CAMTA1: variants seen among roughly 807,000 people sequenced by gnomAD.
CAMTA1 encodes calmodulin binding transcription activator 1.
Under a neutral mutation model 170.9 loss-of-function variants are expected in CAMTA1, and 27 were observed. The ratio of observed to expected loss-of-function variants is 0.16; its 90% CI spans 0.12 to 0.22. The LOEUF is 0.22. Ranked by LOEUF, CAMTA1 falls within the 10% of genes least tolerant of loss-of-function variation. The probability of loss-of-function intolerance (pLI) is 1.00; values close to 1 mark genes in which losing one functional copy is unlikely to be tolerated. For missense variants in CAMTA1, 1,619 were observed against 2,217.2 expected (o/e 0.73, Z 5.42); for synonymous variants, 833 against 891.5 (o/e 0.93, Z 1.17).
chr1:7,375,934 G>A (rs1161676753), intron 5 of CAMTA1, among the ~76,000 whole-genome samples: 2 of 152,194 alleles, frequency 1.3e-5, no homozygotes, highest in Non-Finnish European at 2.9e-5. Context: ...CTGGGGCAAG[G>A]GCCACTCTGC....
rs185417552 is a variant in CAMTA1, at chr1:7,552,858, A to C, written c.510+84957A>C. Among the ~76,000 whole-genome samples, 29 of 152,344 alleles carry C rather than the reference A, an allele frequency of 1.9e-4. No homozygotes were observed. In the East Asian group the frequency reaches 4.4e-3, roughly 23 times the overall value. On this transcript the variant is annotated intron_variant, in intron 6 of 22. Coordinates refer to ENST00000303635, the MANE Select transcript of CAMTA1 (RefSeq NM_015215.4). ...GAGTCACAGTGAACCAGGAGGTTAC[A>C]GTCCAAGGAGCACGGAGCCGCACGG...
At chr1:7,638,154 C>G (rs1301403857) in intron 6 of CAMTA1, among the ~76,000 whole-genome samples, 2 of 152,214 alleles carry the variant, frequency 1.3e-5, no homozygotes, top group African/African-American at 4.8e-5. Context: ...AGACCCAGCT[C>G]TCTCCTGCCT....
At chr1:7,335,153 GGGGGTGGGGGT>G (rs2083296969) in intron 5 of CAMTA1, among the ~76,000 whole-genome samples, 1 of 95,476 alleles carries the variant, frequency 1.0e-5, no homozygotes, top group East Asian at 3.3e-4. Context: ...GGGGGGGGGG[GGGGGTGGGGGT>G]GGGGGGTGTC....
chr1:7,098,342 C>T (rs1037693604), intron 4 of CAMTA1, among the ~76,000 whole-genome samples: 8 of 152,218 alleles, frequency 5.3e-5, no homozygotes, highest in African/African-American at 1.7e-4. Context: ...AGACGTGTCA[C>T]GTTAGGTGCG....
intron 5 of CAMTA1, among the ~76,000 whole-genome samples, chr1:7,408,912 T>C (rs1220141540): frequency 1.3e-5 from 2 of 152,132 alleles, no homozygotes; most frequent in Non-Finnish European, 2.9e-5. Context: ...GCCTGTCTGC[T>C]CAGCGCCAGC....
chr1:6,861,456 A>G (rs1431551877), intron 3 of CAMTA1, among the ~76,000 whole-genome samples: 1 of 152,206 alleles, frequency 6.6e-6, no homozygotes, highest in Non-Finnish European at 1.5e-5. Context: ...ACATCTTAGA[A>G]CACATTAAAA....
At position 7,745,870 on chromosome 1, in the gene CAMTA1, CCTT is replaced by C. The variant is rs758952166; in HGVS notation, c.4402_4404del (p.Ser1468del). On this transcript the variant is annotated inframe_deletion, in exon 18 of 23. Transcript: ENST00000303635. ...AAGTGCATATAACGAGCCTCTAACC[CCTT>C]CTTCTAATACCAGCTTGAGCCCTGT... 6 of 1,614,192 alleles carry C rather than the reference CCTT, an allele frequency of 3.7e-6. No homozygotes were observed. Among genetic ancestry groups the C allele is most frequent in the Admixed American group, 3.3e-5 (2 of 60,008 alleles).
intron 3 of CAMTA1, among the ~76,000 whole-genome samples, chr1:6,899,421 C>T (rs560709252): frequency 2.0e-5 from 3 of 152,236 alleles, no homozygotes; most frequent in Non-Finnish European, 4.4e-5. Context: ...TCAGACCAAA[C>T]AGTGTGATTT....
intron 5 of CAMTA1, among the ~76,000 whole-genome samples, chr1:7,283,713 G>A (rs1415688255): frequency 4.6e-5 from 7 of 152,126 alleles, no homozygotes; most frequent in African/African-American, 9.7e-5. Flanking sequence ...TCACCCCCTT[G>A]TCCAAATAAA....
chr1:7,008,370 C>T (rs556930472), intron 3 of CAMTA1: 1 of 152,550 alleles, frequency 6.6e-6, no homozygotes, highest in Admixed American at 6.5e-5. Context: ...TGCTGGATGA[C>T]AGGTTTCGTG....
At chr1:7,538,185 A>G (rs1272628261) in intron 6 of CAMTA1, among the ~76,000 whole-genome samples, 1 of 152,054 alleles carries the variant, frequency 6.6e-6, no homozygotes, top group Non-Finnish European at 1.5e-5. Flanking sequence ...TAGTGCGAGT[A>G]CTCCCACCAC....
intron 4 of CAMTA1, among the ~76,000 whole-genome samples, chr1:7,214,220 C>T (rs1177897878): frequency 6.6e-6 from 1 of 152,180 alleles, no homozygotes; most frequent in Non-Finnish European, 1.5e-5. Flanking sequence ...TTTACAGTCC[C>T]ACCAACAGTG....
chr1:7,721,483 A>G (rs2096649170), intron 11 of CAMTA1, among the ~76,000 whole-genome samples: 1 of 152,140 alleles, frequency 6.6e-6, no homozygotes, highest in Admixed American at 6.5e-5. Flanking sequence ...GTGATGTCTG[A>G]GCCACACTCT....
At chr1:7,077,152 C>T (rs912326953) in intron 3 of CAMTA1, among the ~76,000 whole-genome samples, 6 of 150,504 alleles carry the variant, frequency 4.0e-5, no homozygotes, top group African/African-American at 1.5e-4. Context: ...GCTAATGAAT[C>T]TTACTTGCTC....
chr1:7,756,740 C>T (rs576777698), intron 22 of CAMTA1, among the ~76,000 whole-genome samples: 1 of 151,918 alleles, frequency 6.6e-6, no homozygotes, highest in Non-Finnish European at 1.5e-5. Context: ...CCCAGCTACT[C>T]CGGAGACTGA....
intron 14 of CAMTA1, 107 bp from the exon 15 acceptor site, chr1:7,737,148 C>A: frequency 7.4e-7 from 1 of 1,353,798 alleles, no homozygotes; most frequent in Admixed American, 1.8e-5. Flanking sequence ...AATGGCCCCA[C>A]CGAGATTGCC....
chr1:7,447,771 C>G (rs566223670), intron 5 of CAMTA1, among the ~76,000 whole-genome samples: 20 of 152,342 alleles, frequency 1.3e-4, no homozygotes, highest in African/African-American at 4.8e-4. Flanking sequence ...GGTGGGGACA[C>G]TGTCCTCTCC....
At chr1:7,542,879 G>GTGTGTTTT (rs1459264062) in intron 6 of CAMTA1, among the ~76,000 whole-genome samples, 3 of 138,172 alleles carry the variant, frequency 2.2e-5, no homozygotes, top group South Asian at 2.3e-4. Flanking sequence ...GTGTGTGTGT[G>GTGTGTTTT]TTTGAGCCGG....
At chr1:7,260,678 G>T (rs538494343) in intron 5 of CAMTA1, among the ~76,000 whole-genome samples, 1 of 152,212 alleles carries the variant, frequency 6.6e-6, no homozygotes, top group African/African-American at 2.4e-5. Flanking sequence ...ATCTTTAGGC[G>T]TGCAGTGCTT....
Sources: gnomAD v4.1 joint callset for allele counts (sites outside exome capture counted in the v4.1 genomes callset) on GRCh38, gnomAD v4.1.1 for gene constraint, MANE v1.5 for transcripts, NCBI Gene and HGNC (gene_info 2026-07-23, HGNC 2026-07-21) for gene names.